Variants in SLC24A3 observed in about 807,000 individuals in gnomAD.
SLC24A3 encodes the protein sodium/potassium/calcium exchanger 3.
Under a neutral mutation model 75.8 loss-of-function variants are expected in SLC24A3, and 28 were observed. The ratio of observed to expected loss-of-function variants is 0.37; its 90% CI spans 0.27 to 0.51. The LOEUF is 0.51. Ranked by LOEUF, SLC24A3 falls within the 20% of genes least tolerant of loss-of-function variation. The pLI, the probability that SLC24A3 is intolerant of heterozygous loss-of-function variation, is 0.94. For missense variants in SLC24A3, 663 were observed against 847.8 expected, an observed-to-expected ratio of 0.78 and a Z score of 2.71; for synonymous variants, 372 against 334.1, an observed-to-expected ratio of 1.11 and a Z score of -1.24.
At chr20:19,708,450 C>T (rs541627823) in intron 15 of SLC24A3, among the ~76,000 whole-genome samples, 38 of 152,302 alleles carry the variant, frequency 2.5e-4, no homozygotes, top group African/African-American at 8.7e-4. Context: ...CTCCCAGCAC[C>T]AGGACACTGC....
intron 2 of SLC24A3, among the ~76,000 whole-genome samples, chr20:19,437,620 T>C (rs1018190153): frequency 1.3e-5 from 2 of 152,176 alleles, no homozygotes; most frequent in Non-Finnish European, 1.5e-5. Flanking sequence ...GGCTGAGGCT[T>C]ATCCAGGCCA....
intron 1 of SLC24A3, among the ~76,000 whole-genome samples, chr20:19,216,093 A>G (rs548665690): frequency 7.9e-5 from 12 of 152,340 alleles, no homozygotes; most frequent in African/African-American, 2.9e-4. Context: ...AGTGGTGGAA[A>G]GCAATGAGCT....
chr20:19,694,475 A>G (rs370130399), intron 13 of SLC24A3: 10 of 152,344 alleles, frequency 6.6e-5, no homozygotes, highest in African/African-American at 2.4e-4. Flanking sequence ...ATTCATAATC[A>G]TCTCTTTCCT....
intron 2 of SLC24A3, among the ~76,000 whole-genome samples, chr20:19,352,034 G>A (rs62200371): frequency 0.27 from 41,377 of 151,500 alleles, 6,357 homozygotes; most frequent in Middle Eastern, 0.41. Context: ...CGATGAAGGA[G>A]GGAGAGAAGC....
intron 2 of SLC24A3, among the ~76,000 whole-genome samples, chr20:19,365,755 G>A (rs1600450107): frequency 6.6e-6 from 1 of 152,148 alleles, no homozygotes; most frequent in Middle Eastern, 3.4e-3. Context: ...CAGCCTCACT[G>A]CCCCCAGCCC....
intron 3 of SLC24A3, among the ~76,000 whole-genome samples, chr20:19,519,368 T>C (rs1600263271): frequency 6.6e-6 from 1 of 152,362 alleles, no homozygotes; most frequent in East Asian, 1.9e-4. Flanking sequence ...GTGTGCTTTG[T>C]GTGTGTTTTG....
intron 3 of SLC24A3, among the ~76,000 whole-genome samples, chr20:19,576,365 C>G (rs746043140): frequency 6.6e-6 from 1 of 152,144 alleles, no homozygotes; most frequent in South Asian, 2.1e-4. Context: ...GACTTTGAAC[C>G]TTTGTTTTCT....
intron 6 of SLC24A3, among the ~76,000 whole-genome samples, chr20:19,637,224 C>G (rs1427876464): frequency 6.6e-6 from 1 of 152,240 alleles, no homozygotes; most frequent in Non-Finnish European, 1.5e-5. Flanking sequence ...TCGCTTGAAC[C>G]CAGGAGGTGA....
At chr20:19,674,247 A>T (rs1430993338) in intron 9 of SLC24A3, among the ~76,000 whole-genome samples, 1 of 152,258 alleles carries the variant, frequency 6.6e-6, no homozygotes, top group Non-Finnish European at 1.5e-5. Context: ...TTAGTCATCC[A>T]CTGCTGCATA....
intron 9 of SLC24A3, among the ~76,000 whole-genome samples, chr20:19,677,905 A>G (rs2032546429): frequency 6.6e-6 from 1 of 150,434 alleles, no homozygotes; most frequent in Admixed American, 6.6e-5. Context: ...AGTGGTGATG[A>G]CTCTTAACGA....
intron 2 of SLC24A3, among the ~76,000 whole-genome samples, chr20:19,301,827 T>C (rs1984203652): frequency 2.0e-5 from 3 of 152,202 alleles, no homozygotes; most frequent in East Asian, 1.9e-4. Flanking sequence ...CCTCCTGTTA[T>C]TATGTTTGAA....
intron 1 of SLC24A3, among the ~76,000 whole-genome samples, chr20:19,268,615 C>T (rs751280004): frequency 6.6e-6 from 1 of 152,216 alleles, no homozygotes; most frequent in Non-Finnish European, 1.5e-5. Flanking sequence ...CCCAAATTGA[C>T]ACATCACCAA....
chr20:19,344,723 T>C (rs987006817), intron 2 of SLC24A3, among the ~76,000 whole-genome samples: 5 of 152,234 alleles, frequency 3.3e-5, no homozygotes, highest in African/African-American at 1.2e-4. Context: ...CGTTTGCTTC[T>C]GGAGAAATTA....
At chr20:19,642,251 G>C (rs2032084790) in intron 6 of SLC24A3, among the ~76,000 whole-genome samples, 1 of 152,204 alleles carries the variant, frequency 6.6e-6, no homozygotes. Flanking sequence ...AATGAGATAA[G>C]ATTCTATAGC....
intron 2 of SLC24A3, among the ~76,000 whole-genome samples, chr20:19,453,015 C>T (rs558206740): frequency 6.6e-6 from 1 of 152,144 alleles, no homozygotes; most frequent in Admixed American, 6.5e-5. Flanking sequence ...AACCCCATCT[C>T]TACTAACAAT....
At chr20:19,290,144 C>T (rs182294905) in intron 2 of SLC24A3, among the ~76,000 whole-genome samples, 237 of 152,284 alleles carry the variant, frequency 1.6e-3, no homozygotes, top group Non-Finnish European at 1.9e-3. Context: ...AAGGCAGGCC[C>T]AGCCATCTGG....
intron 2 of SLC24A3, among the ~76,000 whole-genome samples, chr20:19,471,341 G>A (rs902478368): frequency 6.6e-6 from 1 of 152,202 alleles, no homozygotes; most frequent in Non-Finnish European, 1.5e-5. Context: ...AACTGCCTCA[G>A]ATTTCAGCCT....
At chr20:19,518,761 G>A (rs1600262962) in intron 3 of SLC24A3, among the ~76,000 whole-genome samples, 1 of 152,214 alleles carries the variant, frequency 6.6e-6, no homozygotes, top group East Asian at 1.9e-4. Flanking sequence ...TGCTGCATTA[G>A]CTCAGGCTTC....
chr20:19,311,573 C>T (rs949035321), intron 2 of SLC24A3, among the ~76,000 whole-genome samples: 1 of 151,984 alleles, frequency 6.6e-6, no homozygotes, highest in Admixed American at 6.5e-5. Context: ...AGGATGGGGC[C>T]TCCCATCCTG....
Sources: allele counts gnomAD v4.1 joint callset (sites outside exome capture counted in the v4.1 genomes callset), GRCh38; gene constraint gnomAD v4.1.1; transcripts MANE v1.5; gene names NCBI Gene and HGNC (gene_info 2026-07-23, HGNC 2026-07-21).